The following CAPZA1 variants were observed in gnomAD, a reference collection of about 807,000 sequenced individuals.
CAPZA1 encodes F-actin-capping protein subunit alpha-1.
Under a neutral mutation model 40.8 loss-of-function variants are expected in CAPZA1, and 10 were observed. That is an observed-to-expected ratio of 0.25 (90% CI 0.15 to 0.42). The LOEUF (loss-of-function observed/expected upper bound fraction) is 0.42, where lower values mean the gene tolerates loss of function less well. Ranked by LOEUF, CAPZA1 falls within the 10% of genes least tolerant of loss-of-function variation. The probability of loss-of-function intolerance (pLI) is 1.00; values close to 1 mark genes in which losing one functional copy is unlikely to be tolerated. For synonymous variants in CAPZA1, 98 were observed against 115.0 expected, an observed-to-expected ratio of 0.85 and a Z score of 0.95; for missense variants, 277 against 353.8, an observed-to-expected ratio of 0.78 and a Z score of 1.74.
intron 7 of CAPZA1, among the ~76,000 whole-genome samples, chr1:112,662,926 C>T (rs1363825673): frequency 1.3e-5 from 2 of 151,952 alleles, no homozygotes; most frequent in Non-Finnish European, 2.9e-5. Flanking sequence ...TTTTAAATAT[C>T]TCCCATCCTG....
intron 1 of CAPZA1, among the ~76,000 whole-genome samples, chr1:112,623,867 G>C (rs10399919): frequency 0.031 from 4,730 of 151,004 alleles, 270 homozygotes; most frequent in African/African-American, 0.11. Flanking sequence ...TTAGCCGGGC[G>C]TGGTGGCAGG....
intron 5 of CAPZA1, among the ~76,000 whole-genome samples, chr1:112,656,746 T>C (rs1395770758): frequency 6.6e-6 from 1 of 152,204 alleles, no homozygotes; most frequent in Non-Finnish European, 1.5e-5. Context: ...ATAAGTATCC[T>C]ATGTCTTATG....
At chr1:112,638,944 A>ATATAGATATAGATATAGATATAGG (rs1671079559) in intron 1 of CAPZA1, among the ~76,000 whole-genome samples, 1 of 130,542 alleles carries the variant, frequency 7.7e-6, no homozygotes, top group African/African-American at 2.8e-5. Context: ...ATAGGTATAG[A>ATATAGATATAGATATAGATATAGG]TATAGAGATA....
chr1:112,642,176 C>G (rs1224084389), intron 1 of CAPZA1, among the ~76,000 whole-genome samples: 7 of 146,454 alleles, frequency 4.8e-5, no homozygotes, highest in Non-Finnish European at 9.0e-5. Flanking sequence ...TCTCAAACAT[C>G]ACAGCCTCTG....
At chr1:112,628,752 G>A (rs1439640366) in intron 1 of CAPZA1, among the ~76,000 whole-genome samples, 1 of 152,142 alleles carries the variant, frequency 6.6e-6, no homozygotes, top group East Asian at 1.9e-4. Context: ...CAGTCTGCCC[G>A]CCCTTGGTTA....
chr1:112,654,213 G>T (rs1204715140), intron 4 of CAPZA1, among the ~76,000 whole-genome samples: 2 of 152,056 alleles, frequency 1.3e-5, no homozygotes, highest in African/African-American at 4.8e-5. Flanking sequence ...TACATATATA[G>T]TTATGTATAA....
Position 112,621,760 on chromosome 1 carries a change from G to GT in CAPZA1, c.39+1877_39+1878insT, listed in dbSNP as rs1491553322. Among the ~76,000 whole-genome samples, 4 of 119,638 alleles carry GT rather than the reference G, an allele frequency of 3.3e-5. No individual in the cohort carries two copies. In the South Asian group the frequency reaches 9.9e-4, roughly 30 times the overall value. The allele number at this position is 119,638 out of a possible 152,430, so 78.5% of individuals were successfully genotyped here. On this transcript the variant is annotated intron_variant, in intron 1 of 9. Coordinates refer to ENST00000263168, the MANE Select transcript of CAPZA1 (RefSeq NM_006135.3). ...TAATAACATTAATGTCTTGGGTTATGGTTTTTTTTTTTTTTTTTTGAGATG... is the reference window on the plus strand; with the variant it reads ...TAATAACATTAATGTCTTGGGTTATGTGTTTTTTTTTTTTTTTTTTGAGATG...
At chr1:112,624,383 C>G (rs977303933) in intron 1 of CAPZA1, among the ~76,000 whole-genome samples, 25 of 151,968 alleles carry the variant, frequency 1.6e-4, no homozygotes, top group African/African-American at 5.8e-4. Context: ...CCAAGGCGGT[C>G]AGATCATCTG....
At chr1:112,633,486 T>C (rs1050429510) in intron 1 of CAPZA1, among the ~76,000 whole-genome samples, 1 of 152,210 alleles carries the variant, frequency 6.6e-6, no homozygotes, top group African/African-American at 2.4e-5. Flanking sequence ...TATCCATTCA[T>C]CTGTTGAGTT....
At chr1:112,635,184 T>C (rs1423940906) in intron 1 of CAPZA1, among the ~76,000 whole-genome samples, 1 of 152,036 alleles carries the variant, frequency 6.6e-6, no homozygotes, top group Non-Finnish European at 1.5e-5. Flanking sequence ...CTTTTTACGG[T>C]TGGGTTGGAA....
Position 112,670,249 on chromosome 1 carries a change from C to T in CAPZA1, c.*117C>T, listed in dbSNP as rs530446657. The T allele has an allele frequency of 1.5e-5, 18 of 1,186,644 alleles. No individual in the cohort carries two copies. The highest frequency in any genetic ancestry group is 2.7e-4 in the Middle Eastern group (1 of 3,686). 73.5% of individuals were successfully genotyped at this position (1,186,644 alleles called of 1,614,324 possible). On this transcript the variant is annotated 3_prime_UTR_variant, in exon 10 of 10. Transcript: ENST00000263168. The stretch of plus-strand genomic sequence containing the variant: ...TTTTGCTAGGGCTTTCAAAGTTAAC[C>T]GGTTTTCTAGCCTCATGGAATACTG...
At chr1:112,633,457 G>A (rs567833848) in intron 1 of CAPZA1, among the ~76,000 whole-genome samples, 81 of 151,776 alleles carry the variant, frequency 5.3e-4, no homozygotes, top group African/African-American at 1.9e-3. Context: ...TCCATTGTGT[G>A]TATATAACAC....
At chr1:112,668,130 T>A in intron 8 of CAPZA1, among the ~76,000 whole-genome samples, 1 of 151,484 alleles carries the variant, frequency 6.6e-6, no homozygotes, top group Non-Finnish European at 1.5e-5. Flanking sequence ...ACAAAAAAAA[T>A]ATAAAAATCA....
intron 1 of CAPZA1, among the ~76,000 whole-genome samples, chr1:112,643,824 T>C (rs1357532833): frequency 1.3e-5 from 2 of 152,196 alleles, no homozygotes; most frequent in Non-Finnish European, 2.9e-5. Flanking sequence ...CTAGGAATAC[T>C]AAAGTTGTAA....
chr1:112,630,555 G>C (rs1293061182), intron 1 of CAPZA1, among the ~76,000 whole-genome samples: 2 of 152,016 alleles, frequency 1.3e-5, no homozygotes, highest in Non-Finnish European at 1.5e-5. Context: ...ATCTTGGCCA[G>C]ACTGATCTTG....
intron 1 of CAPZA1, chr1:112,646,830 T>G (rs1228404189): frequency 1.3e-5 from 2 of 154,012 alleles, no homozygotes; most frequent in African/African-American, 4.8e-5. Context: ...GAACCGTCCT[T>G]GTATTGGGAG....
At chr1:112,664,999 T>C (rs1671695538) in intron 7 of CAPZA1, among the ~76,000 whole-genome samples, 1 of 152,170 alleles carries the variant, frequency 6.6e-6, no homozygotes, top group Admixed American at 6.5e-5. Context: ...GTCTAACACA[T>C]AGTAAAGGCT....
rs558761366 is a variant in CAPZA1, at chr1:112,663,741, G to A, written c.586-3333G>A. 3.1e-4 allele frequency among the ~76,000 whole-genome samples: 47 copies of A among 152,242 alleles called. 1 individual carries two copies. The highest frequency in any genetic ancestry group is 7.8e-4 in the East Asian group (4 of 5,144). On this transcript the variant is annotated intron_variant, in intron 7 of 9. Coordinates refer to ENST00000263168, the MANE Select transcript of CAPZA1 (RefSeq NM_006135.3). ...GCTGGTCTCGAACTCCTGACCTCAA[G>A]TGATCTGCCCACCTCGGCCTCCCAA... is the stretch of plus-strand genomic sequence containing the variant.
chr1:112,650,916 T>C (rs1473925871), intron 3 of CAPZA1, among the ~76,000 whole-genome samples: 1 of 152,224 alleles, frequency 6.6e-6, no homozygotes, highest in East Asian at 1.9e-4. Context: ...TATTTATAAC[T>C]ATTCTGGTTC....
Sources: gnomAD v4.1 joint callset for allele counts (sites outside exome capture counted in the v4.1 genomes callset) on GRCh38, gnomAD v4.1.1 for gene constraint, MANE v1.5 for transcripts, NCBI Gene and HGNC (gene_info 2026-07-23, HGNC 2026-07-21) for gene names.